The following ROBO2 variants were observed in gnomAD, a reference collection of about 807,000 sequenced individuals.
The protein encoded by ROBO2 is roundabout homolog 2.
In ROBO2, 53 loss-of-function variants were observed where a neutral mutation model predicts 160.8. The ratio of observed to expected loss-of-function variants is 0.33; its 90% CI spans 0.26 to 0.41. The LOEUF (loss-of-function observed/expected upper bound fraction) is 0.41, where lower values mean the gene tolerates loss of function less well. ROBO2 is among the 10% of genes least tolerant of loss of function. ROBO2 has a pLI of 1.00. For missense variants in ROBO2, 1,577 were observed against 1,722.4 expected, an observed-to-expected ratio of 0.92 and a Z score of 1.49; for synonymous variants, 664 against 611.7, an observed-to-expected ratio of 1.09 and a Z score of -1.26.
intron 2 of ROBO2, among the ~76,000 whole-genome samples, chr3:76,670,570 C>A (rs2092227856): frequency 6.6e-6 from 1 of 152,000 alleles, no homozygotes; most frequent in South Asian, 2.1e-4. Flanking sequence ...CTGGGCAAAC[C>A]TGCATTCTTC....
chr3:76,964,493 C>T (rs2079921980), intron 2 of ROBO2, among the ~76,000 whole-genome samples: 1 of 152,146 alleles, frequency 6.6e-6, no homozygotes, highest in African/African-American at 2.4e-5. Flanking sequence ...CAGGCACACG[C>T]CACCATGCCC....
At chr3:77,578,038 G>C (rs2093813849) in intron 15 of ROBO2, among the ~76,000 whole-genome samples, 1 of 151,828 alleles carries the variant, frequency 6.6e-6, no homozygotes, top group Non-Finnish European at 1.5e-5. Context: ...AGTGGGTTGT[G>C]GCAGCACCGA....
intron 2 of ROBO2, among the ~76,000 whole-genome samples, chr3:76,589,214 T>C (rs1437529504): frequency 6.6e-6 from 1 of 152,244 alleles, no homozygotes; most frequent in African/African-American, 2.4e-5. Flanking sequence ...TCGCTCTGTA[T>C]ACCTTGAATA....
intron 2 of ROBO2, among the ~76,000 whole-genome samples, chr3:76,068,709 A>T (rs190117971): frequency 1.3e-5 from 2 of 152,260 alleles, no homozygotes; most frequent in East Asian, 3.9e-4. Context: ...AACTCCATGC[A>T]TCCATTGTAC....
intron 2 of ROBO2, among the ~76,000 whole-genome samples, chr3:76,948,908 A>ATATATAT (rs1209284372): frequency 8.0e-5 from 2 of 24,970 alleles, no homozygotes; most frequent in Non-Finnish European, 1.3e-4. Flanking sequence ...ATATATATAT[A>ATATATAT]TTTTTTTTTT....
intron 2 of ROBO2, among the ~76,000 whole-genome samples, chr3:75,995,682 G>A (rs1296449451): frequency 6.6e-6 from 1 of 152,078 alleles, no homozygotes; most frequent in Non-Finnish European, 1.5e-5. Context: ...TCCACCGATA[G>A]CTTGCACTGT....
chr3:76,401,853 T>C (rs1021695055), intron 2 of ROBO2, among the ~76,000 whole-genome samples: 3 of 151,542 alleles, frequency 2.0e-5, no homozygotes, highest in Non-Finnish European at 4.4e-5. Context: ...TTTTACATGT[T>C]CTAGTTTGCA....
chr3:76,553,133 A>G (rs1414334707), intron 2 of ROBO2, among the ~76,000 whole-genome samples: 1 of 152,200 alleles, frequency 6.6e-6, no homozygotes, highest in African/African-American at 2.4e-5. Context: ...AGATTAAAAT[A>G]TAGATTTGGG....
At chr3:75,966,090 A>T (rs535820510) in intron 2 of ROBO2, among the ~76,000 whole-genome samples, 1 of 151,850 alleles carries the variant, frequency 6.6e-6, no homozygotes, top group East Asian at 2.0e-4. Flanking sequence ...CTTGACTATT[A>T]TACAAATAAG....
At position 77,251,443 on chromosome 3, in the gene ROBO2, C is replaced by T. The variant is rs535217721; in HGVS notation, c.388+153103C>T. ...ATGCTGTGGTCTTGCAGGCACCTCT[C>T]TCAAAACGTTGCTCTCAACGCCCTA... On this transcript the variant is annotated intron_variant, in intron 2 of 25. Transcript: ENST00000461745. Among the ~76,000 whole-genome samples the T allele has an allele frequency of 7.9e-5, 12 of 152,274 alleles. No individual in the cohort carries two copies. The East Asian group carries it at 2.1e-3, about 27-fold the overall frequency.
intron 1 of ROBO2, among the ~76,000 whole-genome samples, chr3:75,924,014 A>C (rs1947178877): frequency 6.6e-6 from 1 of 152,238 alleles, no homozygotes; most frequent in Non-Finnish European, 1.5e-5. Context: ...TAATCAATAG[A>C]CTAGGACCAA....
At chr3:76,822,715 GA>G (rs796083834) in intron 2 of ROBO2, among the ~76,000 whole-genome samples, 38 of 151,152 alleles carry the variant, frequency 2.5e-4, no homozygotes, top group African/African-American at 8.5e-4. Flanking sequence ...AAGTGTGGTA[GA>G]TTATGAATTA....
At chr3:77,012,256 T>A (rs1415310987) in intron 2 of ROBO2, among the ~76,000 whole-genome samples, 3 of 152,176 alleles carry the variant, frequency 2.0e-5, no homozygotes, top group Non-Finnish European at 4.4e-5. Context: ...TGTGGTCCAT[T>A]TTGAGATATA....
At chr3:77,317,053 A>G (rs1344193667) in intron 2 of ROBO2, 5 of 1,490,548 alleles carry the variant, frequency 3.4e-6, no homozygotes, top group Non-Finnish European at 4.7e-6. Context: ...CCCGTCATTC[A>G]CAGTAGTGTG....
intron 2 of ROBO2, among the ~76,000 whole-genome samples, chr3:76,005,309 T>C (rs1373106128): frequency 1.3e-5 from 2 of 152,126 alleles, no homozygotes; most frequent in Non-Finnish European, 2.9e-5. Context: ...CATGAACAGA[T>C]GTTATGTAAG....
chr3:77,103,777 G>C (rs770861618), intron 2 of ROBO2, among the ~76,000 whole-genome samples: 5 of 152,158 alleles, frequency 3.3e-5, no homozygotes, highest in Non-Finnish European at 5.9e-5. Context: ...TGCTTAAATA[G>C]AAAATTAAAT....
chr3:77,446,557 T>A (rs2080541113), intron 2 of ROBO2, among the ~76,000 whole-genome samples: 2 of 152,096 alleles, frequency 1.3e-5, no homozygotes, highest in Non-Finnish European at 1.5e-5. Flanking sequence ...AAGCAGCATA[T>A]CTTTTGTTTT....
chr3:76,853,691 A>G (rs774713362), intron 2 of ROBO2, among the ~76,000 whole-genome samples: 2 of 152,130 alleles, frequency 1.3e-5, no homozygotes, highest in Non-Finnish European at 2.9e-5. Context: ...ATCAAAGACC[A>G]CCAGAAGAGC....
intron 2 of ROBO2, among the ~76,000 whole-genome samples, chr3:76,146,529 C>T (rs972244444): frequency 6.6e-6 from 1 of 151,728 alleles, no homozygotes; most frequent in Non-Finnish European, 1.5e-5. Flanking sequence ...TTAGATCGGT[C>T]CTTTCAGGAT....
Sources: gnomAD v4.1 joint callset for allele counts (sites outside exome capture counted in the v4.1 genomes callset) on GRCh38, gnomAD v4.1.1 for gene constraint, MANE v1.5 for transcripts, NCBI Gene and HGNC (gene_info 2026-07-23, HGNC 2026-07-21) for gene names.